Variants in SCD5 observed in about 807,000 individuals in gnomAD.
SCD5 encodes the protein stearoyl-CoA desaturase 5.
A neutral mutation model predicts 30.4 loss-of-function variants in SCD5; 20 were observed. The ratio of observed to expected loss-of-function variants is 0.66; its 90% confidence interval spans 0.46 to 0.96. The LOEUF (loss-of-function observed/expected upper bound fraction) is 0.96. Ranked by LOEUF, SCD5 falls within the 40% of genes least tolerant of loss-of-function variation. SCD5 has a pLI of 0.00. For missense variants in SCD5, 381 were observed against 443.3 expected, an observed-to-expected ratio of 0.86 and a Z score of 1.26; for synonymous variants, 173 against 176.4, an observed-to-expected ratio of 0.98 and a Z score of 0.16.
intron 3 of SCD5, among the ~76,000 whole-genome samples, chr4:82,653,693 GATAGATAGATAGAT>G (rs1276304271): frequency 2.1e-5 from 3 of 142,094 alleles, no homozygotes. Flanking sequence ...TAGATAGATA[GATAGATAGATAGAT>G]ATAGATAGAT....
At chr4:82,672,387 A>G (rs918249488) in intron 3 of SCD5, among the ~76,000 whole-genome samples, 1 of 152,174 alleles carries the variant, frequency 6.6e-6, no homozygotes, top group Non-Finnish European at 1.5e-5. Context: ...TCCCATGGAT[A>G]TTAAAAGGAT....
At chr4:82,700,110 G>C (rs989729683) in intron 2 of SCD5, among the ~76,000 whole-genome samples, 1 of 151,944 alleles carries the variant, frequency 6.6e-6, no homozygotes, top group Non-Finnish European at 1.5e-5. Context: ...CCAGCTACTC[G>C]GGTGGCTTAG....
chr4:82,629,786 ACAC>A lies in SCD5; in HGVS notation c.*1538_*1540del, dbSNP rs1727249490. 6.6e-6 allele frequency: 1 copy of A among 152,254 alleles called. No individual in the cohort carries two copies. The highest frequency in any genetic ancestry group is 2.4e-5 in the African/African-American group (1 of 41,458). 9.4% of individuals were successfully genotyped at this position (152,254 alleles called of 1,614,324 possible). Reference sequence around the variant, plus strand: ...TGCTCTAACATCTAACACAAAGGGCACACTGTCCCATTAATTCCACATGCACTT... The same window carrying A: ...TGCTCTAACATCTAACACAAAGGGCATGTCCCATTAATTCCACATGCACTT... On this transcript the variant is annotated 3_prime_UTR_variant, in exon 5 of 5. Coordinates refer to ENST00000319540, the MANE Select transcript of SCD5 (RefSeq NM_001037582.3).
chr4:82,681,340 G>C (rs973306448), intron 2 of SCD5, among the ~76,000 whole-genome samples: 1 of 152,142 alleles, frequency 6.6e-6, no homozygotes. Context: ...GGACACTTAG[G>C]ATGATTCCAT....
intron 3 of SCD5, among the ~76,000 whole-genome samples, chr4:82,657,914 A>C (rs904611326): frequency 2.0e-5 from 3 of 152,214 alleles, no homozygotes; most frequent in Non-Finnish European, 4.4e-5. Flanking sequence ...ATTGGTGTAC[A>C]GGAATGCTTG....
intron 1 of SCD5, among the ~76,000 whole-genome samples, chr4:82,758,353 T>C (rs2148845061): frequency 6.6e-6 from 1 of 152,126 alleles, no homozygotes; most frequent in South Asian, 2.1e-4. Context: ...TAGTCCCAGA[T>C]ACTTGGGAGG....
At chr4:82,795,040 C>T (rs549989290) in intron 1 of SCD5, among the ~76,000 whole-genome samples, 31 of 152,200 alleles carry the variant, frequency 2.0e-4, no homozygotes, top group Non-Finnish European at 4.3e-4. Context: ...ACTCATAAAA[C>T]GAAAAGGATA....
chr4:82,736,620 A>G (rs1019100879), intron 1 of SCD5, among the ~76,000 whole-genome samples: 43 of 148,050 alleles, frequency 2.9e-4, no homozygotes, highest in African/African-American at 9.9e-4. Flanking sequence ...AAAAAAAAAA[A>G]TCATTCTTAA....
At chr4:82,638,472 A>G (rs77739151) in intron 3 of SCD5, among the ~76,000 whole-genome samples, 74 of 152,312 alleles carry the variant, frequency 4.9e-4, no homozygotes, top group Non-Finnish European at 8.2e-4. Context: ...TTGATGGGTC[A>G]CAATATACCT....
chr4:82,712,267 T>TAC lies in SCD5; in HGVS notation c.233-6855_233-6854insGT, dbSNP rs1292654751. On this transcript the variant is annotated intron_variant, in intron 1 of 4. Transcript: ENST00000319540. ...ACATATATATATATATATATATATA[T>TAC]ATATATATATATATATATATATATA... 2.2e-3 allele frequency among the ~76,000 whole-genome samples: 100 copies of TAC among 46,200 alleles called. 16 individuals are homozygous for TAC. The highest frequency in any genetic ancestry group is 0.014 in the African/African-American group (99 of 7,212). 30.3% of individuals were successfully genotyped at this position (46,200 alleles called of 152,430 possible). A position where few individuals can be genotyped will look rare whatever the true frequency, so the allele number is the denominator to read the frequency against.
chr4:82,689,855 A>T (rs764743567), intron 2 of SCD5, among the ~76,000 whole-genome samples: 1 of 152,346 alleles, frequency 6.6e-6, no homozygotes, highest in South Asian at 2.1e-4. Context: ...CTCTTTTTCA[A>T]TGCTGAGGAG....
intron 1 of SCD5, among the ~76,000 whole-genome samples, chr4:82,716,011 T>G (rs1410274599): frequency 6.6e-6 from 1 of 151,860 alleles, no homozygotes; most frequent in African/African-American, 2.4e-5. Flanking sequence ...TGTTATCATT[T>G]TTTTGATCTG....
At chr4:82,667,082 C>T (rs564821978) in intron 3 of SCD5, among the ~76,000 whole-genome samples, 50 of 152,244 alleles carry the variant, frequency 3.3e-4, no homozygotes, top group African/African-American at 1.2e-3. Context: ...TATTTACAAA[C>T]AGCAGTCCCA....
At chr4:82,765,908 C>T (rs1721475439) in intron 1 of SCD5, among the ~76,000 whole-genome samples, 1 of 152,234 alleles carries the variant, frequency 6.6e-6, no homozygotes, top group Non-Finnish European at 1.5e-5. Context: ...GGATGAGCCA[C>T]TGTGCATGCC....
intron 4 of SCD5, 51 bp downstream of exon 4, chr4:82,636,540 A>G (rs1186853860): frequency 2.0e-6 from 3 of 1,473,084 alleles, no homozygotes; most frequent in South Asian, 1.2e-5. Flanking sequence ...TGAGAGGCCA[A>G]GAAAACCTGG....
At chr4:82,760,959 C>T (rs1721351681) in intron 1 of SCD5, among the ~76,000 whole-genome samples, 1 of 152,218 alleles carries the variant, frequency 6.6e-6, no homozygotes, top group Non-Finnish European at 1.5e-5. Flanking sequence ...AAATAAGCAG[C>T]TTGCCATTGG....
At chr4:82,638,538 A>T (rs1419068073) in intron 3 of SCD5, among the ~76,000 whole-genome samples, 1 of 152,126 alleles carries the variant, frequency 6.6e-6, no homozygotes, top group Non-Finnish European at 1.5e-5. Context: ...TGGCTCCAAT[A>T]CCTCCTTGGC....
intron 1 of SCD5, among the ~76,000 whole-genome samples, chr4:82,745,781 T>C (rs1170477755): frequency 6.6e-6 from 1 of 152,146 alleles, no homozygotes; most frequent in Non-Finnish European, 1.5e-5. Flanking sequence ...TGGACTCAAA[T>C]GGAAAGTATC....
At chr4:82,705,226 T>C in intron 2 of SCD5, 57 bp downstream of exon 2, 1 of 1,593,572 alleles carries the variant, frequency 6.3e-7, no homozygotes, top group Non-Finnish European at 8.6e-7. Context: ...TTTCCCCTCC[T>C]CCCATACTGC....
Sources: allele counts gnomAD v4.1 joint callset (sites outside exome capture counted in the v4.1 genomes callset), GRCh38; gene constraint gnomAD v4.1.1; transcripts MANE v1.5; gene names NCBI Gene and HGNC (gene_info 2026-07-23, HGNC 2026-07-21).